RARB: variants seen among roughly 807,000 people sequenced by gnomAD.
RARB encodes HBV-activated protein.
In RARB, 17 loss-of-function variants were observed where a neutral mutation model predicts 51.9. The observed-to-expected ratio is 0.33, with a 90% CI of 0.22 to 0.49. The LOEUF is 0.49. Among genes scored for constraint, RARB ranks in the 20% least tolerant of loss-of-function variants. The pLI, the probability that RARB is intolerant of heterozygous loss-of-function variation, is 0.99. For synonymous variants in RARB, 215 were observed against 195.4 expected (o/e 1.10, Z -0.84); for missense variants, 369 against 550.8 (o/e 0.67, Z 3.30).
chr3:25,122,712 G>A (rs1699804564), intron 3 of RARB, among the ~76,000 whole-genome samples: 1 of 152,170 alleles, frequency 6.6e-6, no homozygotes, highest in Non-Finnish European at 1.5e-5. Context: ...AAAATGTAAT[G>A]TGGCTAGCCA....
At chr3:25,243,730 T>C (rs544674862) in intron 5 of RARB, among the ~76,000 whole-genome samples, 1 of 152,234 alleles carries the variant, frequency 6.6e-6, no homozygotes, top group Non-Finnish European at 1.5e-5. Context: ...ATTGAGGATT[T>C]TTCCCTTCGA....
chr3:25,057,089 G>T (rs998111875), intron 2 of RARB, among the ~76,000 whole-genome samples: 9 of 152,074 alleles, frequency 5.9e-5, no homozygotes, highest in Admixed American at 3.3e-4. Flanking sequence ...ATAACTCAAA[G>T]TCTGAGCTTT....
At chr3:25,113,326 G>T (rs1285424493) in intron 3 of RARB, among the ~76,000 whole-genome samples, 1 of 152,088 alleles carries the variant, frequency 6.6e-6, no homozygotes, top group African/African-American at 2.4e-5. Context: ...TTACCACTGG[G>T]TACAATATGT....
chr3:25,343,342 C>A (rs1705290320), intron 5 of RARB, among the ~76,000 whole-genome samples: 1 of 152,036 alleles, frequency 6.6e-6, no homozygotes, highest in Non-Finnish European at 1.5e-5. Context: ...AATATTTTCC[C>A]AATTAAACAC....
intron 2 of RARB, among the ~76,000 whole-genome samples, chr3:24,945,076 A>G (rs1337069299): frequency 3.3e-5 from 5 of 152,202 alleles, no homozygotes; most frequent in Non-Finnish European, 5.9e-5. Context: ...ACAGTGATAT[A>G]GTTTTAATAA....
At position 25,577,164 on chromosome 3, in the gene RARB, C is replaced by A. The variant is rs540459163; in HGVS notation, c.610-3382C>A. Among the ~76,000 whole-genome samples the A allele has an allele frequency of 4.6e-5, 7 of 152,300 alleles. No homozygotes were observed. The South Asian group carries it at 1.4e-3, about 32-fold the overall frequency. ...GGTGCACTGGTGGGAAGCCTAAACA[C>A]CCCAACCCAACTGTGTGGGTGAATC... is the stretch of plus-strand genomic sequence containing the variant. On this transcript the variant is annotated intron_variant, in intron 4 of 7. Coordinates refer to ENST00000330688, the MANE Select transcript of RARB (RefSeq NM_000965.5).
intron 2 of RARB, among the ~76,000 whole-genome samples, chr3:24,907,309 GC>G (rs1341776161): frequency 6.6e-6 from 1 of 152,176 alleles, no homozygotes; most frequent in East Asian, 1.9e-4. Context: ...TAAAGTGAGA[GC>G]TGAAATCCTG....
intron 2 of RARB, among the ~76,000 whole-genome samples, chr3:24,865,124 T>C (rs1251655491): frequency 6.6e-6 from 1 of 152,134 alleles, no homozygotes; most frequent in Non-Finnish European, 1.5e-5. Flanking sequence ...CAGATAATAT[T>C]CATCAACTTG....
At chr3:25,391,832 C>T (rs1313828296) in intron 5 of RARB, among the ~76,000 whole-genome samples, 5 of 152,028 alleles carry the variant, frequency 3.3e-5, no homozygotes, top group South Asian at 2.1e-4. Flanking sequence ...TTCTCCCACT[C>T]GGTGGGTGTT....
intron 2 of RARB, among the ~76,000 whole-genome samples, chr3:24,905,274 T>C (rs1222918598): frequency 6.6e-6 from 1 of 152,190 alleles, no homozygotes; most frequent in Non-Finnish European, 1.5e-5. Flanking sequence ...TAGTTTCAAA[T>C]GTGATGACAG....
At chr3:25,233,232 T>G (rs1383069207) in intron 5 of RARB, among the ~76,000 whole-genome samples, 1 of 152,086 alleles carries the variant, frequency 6.6e-6, no homozygotes, top group Non-Finnish European at 1.5e-5. Context: ...GTGCTAGGAT[T>G]ACAGGTGCGA....
At chr3:25,271,114 G>A (rs762860720) in intron 5 of RARB, among the ~76,000 whole-genome samples, 3 of 152,174 alleles carry the variant, frequency 2.0e-5, no homozygotes, top group African/African-American at 7.2e-5. Flanking sequence ...TCTAATTTTA[G>A]CATCAAAATG....
chr3:25,318,497 A>G (rs1704483858), intron 5 of RARB, among the ~76,000 whole-genome samples: 2 of 152,212 alleles, frequency 1.3e-5, no homozygotes, highest in Admixed American at 1.3e-4. Context: ...AATACTGAAT[A>G]ACATATTCAA....
intron 2 of RARB, among the ~76,000 whole-genome samples, chr3:24,997,028 C>T (rs918559294): frequency 3.9e-5 from 6 of 152,192 alleles, no homozygotes; most frequent in East Asian, 1.9e-4. Context: ...TCTATCTACA[C>T]GATCCGTCGA....
At chr3:25,082,845 G>A (rs924140544) in intron 3 of RARB, among the ~76,000 whole-genome samples, 21 of 151,976 alleles carry the variant, frequency 1.4e-4, no homozygotes, top group African/African-American at 4.8e-4. Flanking sequence ...AGTCTATATA[G>A]TGCAAGTCTT....
At chr3:25,239,846 CAG>C (rs1181612629) in intron 5 of RARB, among the ~76,000 whole-genome samples, 1 of 152,034 alleles carries the variant, frequency 6.6e-6, no homozygotes. Context: ...GGTATTTTGA[CAG>C]AGATTGCACT....
intron 2 of RARB, among the ~76,000 whole-genome samples, chr3:25,473,587 A>G (rs928204043): frequency 2.6e-5 from 4 of 152,172 alleles, no homozygotes; most frequent in Non-Finnish European, 4.4e-5. Context: ...TAAATGTTCA[A>G]GGTAGAACTG....
intron 2 of RARB, among the ~76,000 whole-genome samples, chr3:25,494,779 G>A (rs1321332860): frequency 3.9e-5 from 6 of 152,164 alleles, no homozygotes; most frequent in Admixed American, 6.5e-5. Flanking sequence ...TTGTTTAGAG[G>A]TTGGACACTG....
chr3:25,323,565 A>G (rs553562285), intron 5 of RARB, among the ~76,000 whole-genome samples: 1 of 152,354 alleles, frequency 6.6e-6, no homozygotes, highest in South Asian at 2.1e-4. Context: ...GAAAGTATGC[A>G]TGGAATGGGA....
Sources: gnomAD v4.1 joint callset for allele counts (sites outside exome capture counted in the v4.1 genomes callset) on GRCh38, gnomAD v4.1.1 for gene constraint, MANE v1.5 for transcripts, NCBI Gene and HGNC (gene_info 2026-07-23, HGNC 2026-07-21) for gene names.